MLLT3: variants seen among roughly 807,000 people sequenced by gnomAD.
The protein encoded by MLLT3 is protein AF-9.
Under a neutral mutation model 53.2 loss-of-function variants are expected in MLLT3, and 4 were observed. The observed-to-expected ratio is 0.08, with a 90% CI of 0.04 to 0.17. The LOEUF (loss-of-function observed/expected upper bound fraction) is 0.17. Ranked by LOEUF, MLLT3 falls within the 10% of genes least tolerant of loss-of-function variation. The pLI, the probability that MLLT3 is intolerant of heterozygous loss-of-function variation, is 1.00. For missense variants in MLLT3, 569 were observed against 684.0 expected (o/e 0.83, Z 1.87); for synonymous variants, 283 against 230.6 (o/e 1.23, Z -2.06).
At chr9:20,495,106 A>G (rs1295172649) in intron 2 of MLLT3, among the ~76,000 whole-genome samples, 1 of 152,212 alleles carries the variant, frequency 6.6e-6, no homozygotes, top group Non-Finnish European at 1.5e-5. Flanking sequence ...GTCTGCCATT[A>G]TCTTTTTGCC....
At chr9:20,573,866 G>A (rs1382513202) in intron 2 of MLLT3, among the ~76,000 whole-genome samples, 1 of 152,118 alleles carries the variant, frequency 6.6e-6, no homozygotes, top group African/African-American at 2.4e-5. Flanking sequence ...CATCTTACAG[G>A]TGAGAAACTG....
chr9:20,489,361 T>C (rs1009051379), intron 2 of MLLT3, among the ~76,000 whole-genome samples: 5 of 152,208 alleles, frequency 3.3e-5, no homozygotes, highest in Admixed American at 3.3e-4. Flanking sequence ...GATCTTGGCA[T>C]CTTAAAGGTG....
chr9:20,532,443 T>C (rs761451293), intron 2 of MLLT3: 17 of 172,142 alleles, frequency 9.9e-5, no homozygotes, highest in Non-Finnish European at 1.5e-4. Context: ...GTTGCAGTCA[T>C]ATAGTATATA....
At chr9:20,422,909 G>A (rs1026682816) in intron 4 of MLLT3, among the ~76,000 whole-genome samples, 1 of 152,186 alleles carries the variant, frequency 6.6e-6, no homozygotes, top group African/African-American at 2.4e-5. Context: ...CCAGACTGAT[G>A]TAGAAGTTTT....
chr9:20,562,745 G>A (rs974658631), intron 2 of MLLT3, among the ~76,000 whole-genome samples: 5 of 152,112 alleles, frequency 3.3e-5, no homozygotes, highest in African/African-American at 1.2e-4. Flanking sequence ...CTATTCTTAA[G>A]AATAAGAGGC....
intron 4 of MLLT3, among the ~76,000 whole-genome samples, chr9:20,446,805 A>G (rs748578840): frequency 6.6e-5 from 10 of 152,188 alleles, no homozygotes; most frequent in Admixed American, 3.9e-4. Flanking sequence ...TAAAATTATA[A>G]TAAGTTCCTA....
At position 20,347,629 on chromosome 9, in the gene MLLT3, C is replaced by T. The variant is rs879777687; in HGVS notation, c.1576-1055G>A. Among the ~76,000 whole-genome samples the T allele has an allele frequency of 2.0e-5, 3 of 152,118 alleles. 1 individual carries two copies. Among genetic ancestry groups the T allele is most frequent in the Non-Finnish European group, 4.4e-5 (3 of 68,018 alleles). On this transcript the variant is annotated intron_variant, in intron 10 of 10. Coordinates refer to ENST00000380338, the MANE Select transcript of MLLT3 (RefSeq NM_004529.4). ...CTATTCTACTAATAATTTTATTGGA[C>T]ATGGATGCTGTATCTGGGCAGTGTA...
At chr9:20,391,484 A>G (rs536318896) in intron 5 of MLLT3, among the ~76,000 whole-genome samples, 1 of 152,322 alleles carries the variant, frequency 6.6e-6, no homozygotes, top group East Asian at 1.9e-4. Context: ...ATGAAACCAG[A>G]AAGCCCTCAA....
chr9:20,443,708 G>C (rs898345568), intron 4 of MLLT3, among the ~76,000 whole-genome samples: 2 of 152,156 alleles, frequency 1.3e-5, no homozygotes, highest in Non-Finnish European at 2.9e-5. Context: ...CTGATATAAA[G>C]ATGGTTAAGC....
At chr9:20,522,471 T>C (rs1051698844) in intron 2 of MLLT3, among the ~76,000 whole-genome samples, 2 of 152,164 alleles carry the variant, frequency 1.3e-5, no homozygotes, top group African/African-American at 4.8e-5. Context: ...TTCTCTTAGA[T>C]ATAATCTCTT....
intron 2 of MLLT3, among the ~76,000 whole-genome samples, chr9:20,550,815 T>A (rs1441742742): frequency 6.6e-6 from 1 of 152,206 alleles, no homozygotes; most frequent in Non-Finnish European, 1.5e-5. Context: ...TGGACTGCAG[T>A]GGCATGATCA....
At chr9:20,504,133 G>A (rs1445651437) in intron 2 of MLLT3, among the ~76,000 whole-genome samples, 1 of 152,102 alleles carries the variant, frequency 6.6e-6, no homozygotes, top group Admixed American at 6.5e-5. Context: ...TAGCCATTAT[G>A]GAAAATTTTA....
intron 2 of MLLT3, among the ~76,000 whole-genome samples, chr9:20,496,290 TTA>T (rs1825078533): frequency 6.6e-6 from 1 of 152,172 alleles, no homozygotes; most frequent in South Asian, 2.1e-4. Flanking sequence ...GAGAAACTGT[TTA>T]TGTTACTGTG....
At chr9:20,355,111 A>C (rs543293264) in intron 8 of MLLT3, among the ~76,000 whole-genome samples, 5 of 151,856 alleles carry the variant, frequency 3.3e-5, no homozygotes, top group African/African-American at 1.2e-4. Context: ...AAAAAAAAAA[A>C]AAAAAACAAC....
At chr9:20,588,168 T>A (rs76195319) in intron 2 of MLLT3, among the ~76,000 whole-genome samples, 115,203 of 151,452 alleles carry the variant, frequency 0.76, 44,433 homozygotes, top group Middle Eastern at 0.88. Context: ...GCGGCGTTAT[T>A]TCTGAGGGCT....
In MLLT3 at chr9:20,474,156, G is replaced by A. The variant is rs73430792; in HGVS notation, c.194-17370C>T. Among the ~76,000 whole-genome samples, 771 of 152,092 alleles carry A rather than the reference G, an allele frequency of 5.1e-3. 12 individuals carry two copies. Among genetic ancestry groups the A allele is most frequent in the African/African-American group, 0.018 (744 of 41,480 alleles). ...TATGATTTATCTTTCTGAAGCCCTC[G>A]ACACCATTTCTATAACACTCTAATT... On this transcript the variant is annotated intron_variant, in intron 2 of 10. Transcript: ENST00000380338.
chr9:20,506,574 G>A (rs372212597), intron 2 of MLLT3, among the ~76,000 whole-genome samples: 2 of 151,986 alleles, frequency 1.3e-5, no homozygotes, highest in African/African-American at 2.4e-5. Flanking sequence ...CTCATTTCCA[G>A]TTATTATGCA....
intron 2 of MLLT3, among the ~76,000 whole-genome samples, chr9:20,578,035 A>G (rs1819697669): frequency 6.6e-6 from 1 of 152,220 alleles, no homozygotes; most frequent in South Asian, 2.1e-4. Flanking sequence ...CTGAATCCAG[A>G]CCTACATACT....
chr9:20,353,485 G>A (rs756405671), intron 10 of MLLT3, 40 bp downstream of exon 10: 17 of 1,571,106 alleles, frequency 1.1e-5, no homozygotes, highest in Non-Finnish European at 1.4e-5. Context: ...ACCAAGTCTT[G>A]AAGTTTCTGG....
Sources: allele counts gnomAD v4.1 joint callset (sites outside exome capture counted in the v4.1 genomes callset), GRCh38; gene constraint gnomAD v4.1.1; transcripts MANE v1.5; gene names NCBI Gene and HGNC (gene_info 2026-07-23, HGNC 2026-07-21).